The following AP2A2 variants were observed in gnomAD, a reference collection of about 807,000 sequenced individuals.
AP2A2 encodes the protein AP-2 complex subunit alpha-2.
AP2A2 carries 32 observed loss-of-function variants against 104.2 expected under a neutral mutation model. The observed-to-expected ratio is 0.31, with a 90% CI of 0.23 to 0.41. The LOEUF (loss-of-function observed/expected upper bound fraction) is 0.41. Among genes scored for constraint, AP2A2 ranks in the 10% least tolerant of loss-of-function variants. The pLI is 1.00. For missense variants in AP2A2, 912 were observed against 1,261.0 expected (o/e 0.72, Z 4.19); for synonymous variants, 539 against 533.3 (o/e 1.01, Z -0.15).
At position 992,764 on chromosome 11, in the gene AP2A2, T is replaced by C; in HGVS notation, c.1452+79T>C. The C allele has an allele frequency of 3.9e-6, 6 of 1,522,708 alleles. No individual in the cohort carries two copies. In the South Asian group the frequency reaches 6.9e-5, roughly 18 times the overall value. 94.3% of individuals were successfully genotyped at this position (1,522,708 alleles called of 1,614,324 possible). On this transcript the variant is annotated intron_variant, in intron 11 of 21. Transcript: ENST00000448903. The surrounding 1 kb of genome is among the most constrained non-coding windows in gnomAD (Gnocchi z 6.4). ...GAGCAGTGAGTGGTTCCAGCCTGCCTGCGTGGAGGTGCCGAGGGCCGTTGC... is the reference window on the plus strand; with the variant it reads ...GAGCAGTGAGTGGTTCCAGCCTGCCCGCGTGGAGGTGCCGAGGGCCGTTGC...
intron 7 of AP2A2, 172 bp from the exon 8 acceptor site, chr11:985,263 G>A: frequency 1.2e-6 from 1 of 835,264 alleles, no homozygotes; most frequent in Non-Finnish European, 1.8e-6. Context: ...GATTACAGAA[G>A]TGAGCCACCG....
intron 8 of AP2A2, among the ~76,000 whole-genome samples, chr11:986,390 G>C (rs571004883): frequency 1.8e-3 from 272 of 152,338 alleles, no homozygotes; most frequent in African/African-American, 6.2e-3. Flanking sequence ...AGAGTCAGTG[G>C]GGCAGCAGCC....
At chr11:935,398 C>G (rs1435755970) in intron 1 of AP2A2, among the ~76,000 whole-genome samples, 1 of 151,948 alleles carries the variant, frequency 6.6e-6, no homozygotes, top group Non-Finnish European at 1.5e-5. Context: ...AAACTCCTGA[C>G]CTCAAGCAAT....
At chr11:967,349 G>A (rs11246358) in intron 2 of AP2A2, among the ~76,000 whole-genome samples, 72,709 of 151,680 alleles carry the variant, frequency 0.48, 18,342 homozygotes, top group Middle Eastern at 0.66. Context: ...GTGCTGTTTC[G>A]TTTTATTTTT....
In AP2A2 at chr11:985,581, A is replaced by G. The variant is rs772334853; in HGVS notation, c.961A>G (p.Ser321Gly). The G allele has an allele frequency of 6.2e-7, 1 of 1,613,852 alleles. No homozygotes were observed. Among genetic ancestry groups the G allele is most frequent in the South Asian group, 1.1e-5 (1 of 91,078 alleles). Residue 321 changes from serine (S) to glycine (G), a missense_variant and splice_region_variant, in exon 8 of 22, where the codon AGT (serine) becomes GGT (glycine). This residue lies in a region of AP2A2 where 350 missense variants were observed against 487.0 expected (regional missense o/e 0.72). Transcript: ENST00000448903. ...CATCAGCTTAATCATTCACCATGAC[A>G]GGTGTGTCGGCTGCCTGTGGAGAGG... ...EAISLIIHHDSEPNLLVRACN... is the reference protein window; with the variant it reads ...EAISLIIHHDGEPNLLVRACN...
At position 993,867 on chromosome 11, in the gene AP2A2, A is replaced by G. The variant is rs746410008; in HGVS notation, c.1664A>G (p.Lys555Arg). ...TTCGTGAACCTCTTCCCGGAGGTGA[A>G]GCCCACCATCCAGGACGTGCTGCGC... ...IKFVNLFPEV[K>R]PTIQDVLRSD... Residue 555 changes from lysine (K) to arginine (R), a missense_variant, in exon 13 of 22, where the codon AAG becomes AGG. Transcript: ENST00000448903. The surrounding 1 kb of genome is among the most constrained non-coding windows in gnomAD (Gnocchi z 8.2). 2 of 1,610,118 alleles carry G rather than the reference A, an allele frequency of 1.2e-6. No individual in the cohort carries two copies. Among genetic ancestry groups the G allele is most frequent in the Non-Finnish European group, 1.7e-6 (2 of 1,179,674 alleles).
intron 1 of AP2A2, among the ~76,000 whole-genome samples, chr11:932,204 C>G (rs184668036): frequency 6.6e-6 from 1 of 152,322 alleles, no homozygotes; most frequent in African/African-American, 2.4e-5. Flanking sequence ...CCACCTGCCT[C>G]GGCCTCCCAA....
intron 1 of AP2A2, among the ~76,000 whole-genome samples, chr11:947,544 C>T (rs1329153684): frequency 6.6e-6 from 1 of 151,992 alleles, no homozygotes; most frequent in African/African-American, 2.4e-5. Context: ...ACCTCTAATC[C>T]CAGCGCTTTG....
chr11:979,974 T>C (rs999651552), intron 5 of AP2A2, among the ~76,000 whole-genome samples: 1 of 152,278 alleles, frequency 6.6e-6, no homozygotes, highest in Non-Finnish European at 1.5e-5. Flanking sequence ...ATAATTAAAG[T>C]CTTTTTTCAA....
At chr11:933,567 G>T (rs1853357695) in intron 1 of AP2A2, 1 of 456,154 alleles carries the variant, frequency 2.2e-6, no homozygotes, top group Non-Finnish European at 4.4e-6. Flanking sequence ...GGTTGTAAGG[G>T]TCTGGCCAAG....
At chr11:1,000,288 T>G in intron 14 of AP2A2, 144 bp from the exon 15 acceptor site, 2 of 723,924 alleles carry the variant, frequency 2.8e-6, no homozygotes, top group Non-Finnish European at 4.6e-6. Context: ...GGTCACTCAC[T>G]GAGTTGTGTG....
intron 1 of AP2A2, among the ~76,000 whole-genome samples, chr11:953,912 G>A (rs1227626445): frequency 6.7e-6 from 1 of 149,730 alleles, no homozygotes; most frequent in Non-Finnish European, 1.5e-5. Context: ...TCGGCTCACT[G>A]CAACCTCCGC....
chr11:969,597 A>G (rs1003428222), intron 2 of AP2A2, among the ~76,000 whole-genome samples: 1 of 152,074 alleles, frequency 6.6e-6, no homozygotes, highest in Non-Finnish European at 1.5e-5. Context: ...CATGTTTTGA[A>G]CCTGCCCTGC....
In AP2A2 at chr11:950,725, G is replaced by T. The variant is rs115896698; in HGVS notation, c.68-8712G>T. Among the ~76,000 whole-genome samples, 1,017 of 152,200 alleles carry T rather than the reference G, an allele frequency of 6.7e-3. 7 individuals are homozygous for T. Among genetic ancestry groups the T allele is most frequent in the African/African-American group, 0.023 (950 of 41,498 alleles). ...GAATGAGAGAAAATATTTGAAAACC[G>T]TGTACCTGATAAAGGGCTCGTTATT... On this transcript the variant is annotated intron_variant, in intron 1 of 21. Coordinates refer to ENST00000448903, the MANE Select transcript of AP2A2 (RefSeq NM_012305.4).
At chr11:1,007,098 TC>T (rs1452268845) in intron 17 of AP2A2, 1 of 155,584 alleles carries the variant, frequency 6.4e-6, no homozygotes, top group African/African-American at 2.4e-5. Flanking sequence ...TCCTAGAACT[TC>T]CCCAGCTAAA....
intron 1 of AP2A2, among the ~76,000 whole-genome samples, chr11:952,929 G>T (rs893613027): frequency 1.3e-5 from 2 of 152,206 alleles, no homozygotes; most frequent in African/African-American, 2.4e-5. Flanking sequence ...TCAGTGGCAC[G>T]AATTGGTGCC....
At chr11:948,120 C>G (rs551186483) in intron 1 of AP2A2, among the ~76,000 whole-genome samples, 1 of 151,880 alleles carries the variant, frequency 6.6e-6, no homozygotes, top group East Asian at 1.9e-4. Context: ...AGAAAAAGCA[C>G]GAACAAAACC....
intron 2 of AP2A2, among the ~76,000 whole-genome samples, chr11:960,702 G>C (rs1021086707): frequency 6.6e-6 from 1 of 151,972 alleles, no homozygotes; most frequent in Non-Finnish European, 1.5e-5. Flanking sequence ...ACTTCTAGTA[G>C]AGATGGGGTT....
chr11:1,006,758 T>C, intron 17 of AP2A2, 141 bp downstream of exon 17: 1 of 661,406 alleles, frequency 1.5e-6, no homozygotes, highest in Non-Finnish European at 2.6e-6. Flanking sequence ...CAGGCAGTCG[T>C]AATCTGCCTA....
Sources: gnomAD v4.1 joint callset for allele counts (sites outside exome capture counted in the v4.1 genomes callset) on GRCh38, gnomAD v4.1.1 for gene constraint, gnomAD v4.1.1 regional missense constraint, Gnocchi (gnomAD v3.1) non-coding constraint, MANE v1.5 for transcripts, NCBI Gene and HGNC (gene_info 2026-07-23, HGNC 2026-07-21) for gene names.